The following ABCA13 variants were observed in gnomAD, a reference collection of about 807,000 sequenced individuals.
The protein encoded by ABCA13 is ATP-binding cassette sub-family A member 13.
A neutral mutation model predicts 478.7 loss-of-function variants in ABCA13; 476 were observed. The ratio of observed to expected loss-of-function variants is 0.99; its 90% CI spans 0.92 to 1.07. The LOEUF is 1.07. Ranked by LOEUF, ABCA13 falls within the 50% of genes least tolerant of loss-of-function variation. The probability of loss-of-function intolerance (pLI) is 0.00; values close to 1 mark genes in which losing one functional copy is unlikely to be tolerated. For missense variants in ABCA13, 6,060 were observed against 5,910.6 expected, an observed-to-expected ratio of 1.03 and a Z score of -0.83; for synonymous variants, 2,252 against 2,158.9, an observed-to-expected ratio of 1.04 and a Z score of -1.20.
chr7:48,440,243 A>G (rs1447473943), intron 42 of ABCA13, among the ~76,000 whole-genome samples: 1 of 152,176 alleles, frequency 6.6e-6, no homozygotes, highest in East Asian at 1.9e-4. Context: ...CTTTCCCAGT[A>G]CTTCAGCAGG....
chr7:48,233,479 A>G (rs778093965), intron 7 of ABCA13, among the ~76,000 whole-genome samples: 4 of 152,120 alleles, frequency 2.6e-5, no homozygotes, highest in Non-Finnish European at 4.4e-5. Flanking sequence ...TAGCTCATGA[A>G]TTTTATATGT....
At chr7:48,516,660 G>A (rs1316088594) in intron 51 of ABCA13, 65 bp from the exon 52 acceptor site, 2 of 1,512,484 alleles carry the variant, frequency 1.3e-6, no homozygotes, top group South Asian at 1.2e-5. Context: ...GAATGTATCT[G>A]CCATAGATAA....
intron 29 of ABCA13, among the ~76,000 whole-genome samples, chr7:48,342,010 G>T (rs978975255): frequency 6.7e-6 from 1 of 149,004 alleles, no homozygotes; most frequent in Admixed American, 6.7e-5. Flanking sequence ...CACTAATTTT[G>T]ATATCTTGTA....
At chr7:48,555,045 G>C (rs1017268602) in intron 55 of ABCA13, among the ~76,000 whole-genome samples, 11 of 151,532 alleles carry the variant, frequency 7.3e-5, no homozygotes, top group Admixed American at 4.6e-4. Flanking sequence ...AATCATAAAG[G>C]GATGTTGAAT....
intron 41 of ABCA13, among the ~76,000 whole-genome samples, chr7:48,422,055 C>CAAAAAAAAAAAAAAAAAAAAAAAAA (rs4022355): frequency 2.5e-5 from 2 of 80,578 alleles, no homozygotes; most frequent in Non-Finnish European, 4.8e-5. Flanking sequence ...GTCTTTCTTA[C>CAAAAAAAAAAAAAAAAAAAAAAAAA]AAAAAAAAAA....
intron 55 of ABCA13, among the ~76,000 whole-genome samples, chr7:48,565,506 G>A (rs1786956254): frequency 6.6e-6 from 1 of 151,844 alleles, no homozygotes; most frequent in Non-Finnish European, 1.5e-5. Context: ...TGTATTAGAG[G>A]GTTATATAGG....
chr7:48,421,954 C>T (rs1481603318), intron 41 of ABCA13, among the ~76,000 whole-genome samples: 1 of 150,192 alleles, frequency 6.7e-6, no homozygotes, highest in African/African-American at 2.4e-5. Flanking sequence ...AAGGCCTCCA[C>T]ACTGCTTTGC....
intron 42 of ABCA13, among the ~76,000 whole-genome samples, chr7:48,437,107 A>G (rs1300486759): frequency 6.6e-6 from 1 of 151,908 alleles, no homozygotes; most frequent in East Asian, 1.9e-4. Flanking sequence ...TCCATTATTG[A>G]GAGTGAGGTA....
intron 15 of ABCA13, among the ~76,000 whole-genome samples, chr7:48,260,489 T>C (rs1794021831): frequency 6.6e-6 from 1 of 152,086 alleles, no homozygotes; most frequent in African/African-American, 2.4e-5. Flanking sequence ...AATGCGCAGG[T>C]TTAGAGTGCT....
intron 17 of ABCA13, among the ~76,000 whole-genome samples, 163 bp downstream of exon 17, chr7:48,276,728 G>A (rs1455699721): frequency 2.0e-5 from 3 of 152,076 alleles, no homozygotes; most frequent in Non-Finnish European, 2.9e-5. Flanking sequence ...AAATGTCAAG[G>A]TAAAAGAATT....
rs574644925 is a variant in ABCA13 at position 48,343,878 on chromosome 7, G to A, written c.10204+5423G>A. Among the ~76,000 whole-genome samples, 6 of 152,010 alleles carry A rather than the reference G, an allele frequency of 3.9e-5. No individual in the cohort carries two copies. The East Asian group carries it at 5.8e-4, about 15-fold the overall frequency. ...CAATATGACCTTTCAATCTGAAGACGACAGCTCTTCAATTAAGGGGAGTTT... is the reference window on the plus strand; with the variant it reads ...CAATATGACCTTTCAATCTGAAGACAACAGCTCTTCAATTAAGGGGAGTTT... On this transcript the variant is annotated intron_variant, in intron 29 of 61. Coordinates refer to ENST00000435803, the MANE Select transcript of ABCA13 (RefSeq NM_152701.5).
chr7:48,240,960 G>T lies in ABCA13; in HGVS notation c.1156G>T (p.Glu386Ter). Residue 386 changes from glutamate to a stop codon, truncating the protein, a stop_gained, in exon 10 of 62, where the codon GAG becomes TAG. Coordinates refer to ENST00000435803, the MANE Select transcript of ABCA13 (RefSeq NM_152701.5). LOFTEE classifies it high-confidence loss of function. ...LEALRNQFEE[E>*]SKPWKVVEAL... ...GGCTCTCAGGAATCAGTTTGAAGAAGAGAGCAAGCCCTGGAAGGTGGTGGA... is the reference window on the plus strand; with the variant it reads ...GGCTCTCAGGAATCAGTTTGAAGAATAGAGCAAGCCCTGGAAGGTGGTGGA... 3 of 1,613,662 alleles carry T rather than the reference G, an allele frequency of 1.9e-6. No individual in the cohort carries two copies. Among genetic ancestry groups the T allele is most frequent in the Non-Finnish European group, 1.7e-6 (2 of 1,179,640 alleles).
chr7:48,335,497 C>T lies in ABCA13; in HGVS notation c.10075C>T (p.Gln3359Ter), dbSNP rs758788937. Residue 3359 changes from glutamine (Q) to a stop codon, truncating the protein, a stop_gained, in exon 28 of 62, where the codon CAG (glutamine) becomes TAG (stop). Coordinates refer to ENST00000435803, the MANE Select transcript of ABCA13 (RefSeq NM_152701.5). LOFTEE classifies it high-confidence loss of function. ...ETLLEMSSLF[Q>*]RSGSGQMFNQ... ...ACTGCTGGAAATGTCCAGCCTTTTCCAGAGAAGTGGAAGTGGCCAGATGTT... is the reference window on the plus strand; with the variant it reads ...ACTGCTGGAAATGTCCAGCCTTTTCTAGAGAAGTGGAAGTGGCCAGATGTT... 1.9e-6 allele frequency: 3 copies of T among 1,613,290 alleles called. No individual in the cohort carries two copies. The African/African-American group carries it at 4.0e-5, about 22-fold the overall frequency.
rs967027914 is a variant in ABCA13, at chr7:48,626,518, G to T, written c.14837+11141G>T. 5.4e-6 allele frequency: 4 copies of T among 741,388 alleles called. No homozygotes were observed. The East Asian group carries it at 3.9e-4, about 73-fold the overall frequency. 45.9% of individuals were successfully genotyped at this position (741,388 alleles called of 1,614,324 possible). A position where few individuals can be genotyped will look rare whatever the true frequency, so the allele number is the denominator to read the frequency against. Reference sequence around the variant, plus strand: ...ATATTAATTCTAAGGTAAAAAAAAGGCAAAATAATGGAGGAACAAAGGGAA... The same window carrying T: ...ATATTAATTCTAAGGTAAAAAAAAGTCAAAATAATGGAGGAACAAAGGGAA... On this transcript the variant is annotated intron_variant, in intron 59 of 61. Transcript: ENST00000435803.
intron 55 of ABCA13, among the ~76,000 whole-genome samples, chr7:48,566,520 T>TG (rs1271409987): frequency 6.6e-6 from 1 of 152,168 alleles, no homozygotes; most frequent in Non-Finnish European, 1.5e-5. Flanking sequence ...CAGAGATAGA[T>TG]TAGAAGATTT....
intron 20 of ABCA13, among the ~76,000 whole-genome samples, chr7:48,291,473 AGCTGG>A (rs1798525498): frequency 6.6e-6 from 1 of 152,118 alleles, no homozygotes; most frequent in South Asian, 2.1e-4. Flanking sequence ...AGTGCCTCTG[AGCTGG>A]GGACGGGTTA....
chr7:48,200,915 T>C (rs1036459192), intron 3 of ABCA13, among the ~76,000 whole-genome samples: 2 of 152,218 alleles, frequency 1.3e-5, no homozygotes, highest in African/African-American at 4.8e-5. Flanking sequence ...TCCCAGCGCT[T>C]TGGGTTGTTG....
At chr7:48,184,817 C>A (rs1204779579) in intron 1 of ABCA13, among the ~76,000 whole-genome samples, 1 of 151,942 alleles carries the variant, frequency 6.6e-6, no homozygotes, top group East Asian at 1.9e-4. Flanking sequence ...AAGACTATCT[C>A]AAAAAAATAA....
chr7:48,343,810 A>T (rs1807634391), intron 29 of ABCA13, among the ~76,000 whole-genome samples: 1 of 152,110 alleles, frequency 6.6e-6, no homozygotes, highest in Non-Finnish European at 1.5e-5. Flanking sequence ...AGGAAACTTC[A>T]TCTGCCCCAC....
Sources: allele counts gnomAD v4.1 joint callset (sites outside exome capture counted in the v4.1 genomes callset), GRCh38; gene constraint gnomAD v4.1.1; transcripts MANE v1.5; gene names NCBI Gene and HGNC (gene_info 2026-07-23, HGNC 2026-07-21).